Variants in CCSER1 observed in about 807,000 individuals in gnomAD.
CCSER1 encodes serine-rich coiled-coil domain-containing protein 1.
CCSER1 carries 41 observed loss-of-function variants against 82.0 expected under a neutral mutation model. The observed-to-expected ratio is 0.50, with a 90% CI of 0.39 to 0.65. CCSER1 has a LOEUF of 0.65. Ranked by LOEUF, CCSER1 falls within the 30% of genes least tolerant of loss-of-function variation. CCSER1 has a pLI of 0.00. For missense variants in CCSER1, 1,119 were observed against 1,064.2 expected (o/e 1.05, Z -0.72); for synonymous variants, 414 against 383.9 (o/e 1.08, Z -0.92).
chr4:90,249,568 A>T (rs893751414), intron 1 of CCSER1, among the ~76,000 whole-genome samples: 1 of 152,158 alleles, frequency 6.6e-6, no homozygotes, highest in African/African-American at 2.4e-5. Flanking sequence ...TATTCTGAAC[A>T]CTTCATATAA....
chr4:90,590,210 G>T (rs998905934), intron 5 of CCSER1, among the ~76,000 whole-genome samples: 2 of 152,102 alleles, frequency 1.3e-5, no homozygotes, highest in African/African-American at 4.8e-5. Flanking sequence ...GGAGAAAGAG[G>T]TTGCACTGGG....
chr4:91,352,794 A>G (rs906254184), intron 10 of CCSER1, among the ~76,000 whole-genome samples: 1 of 152,222 alleles, frequency 6.6e-6, no homozygotes, highest in African/African-American at 2.4e-5. Flanking sequence ...AGAATCTGCC[A>G]TGTGCCAAAC....
At chr4:91,574,378 C>G (rs1009154983) in intron 10 of CCSER1, among the ~76,000 whole-genome samples, 2 of 151,970 alleles carry the variant, frequency 1.3e-5, no homozygotes, top group African/African-American at 2.4e-5. Flanking sequence ...CCATTTGACC[C>G]AGCAATCCCA....
chr4:90,189,217 CCGTCAGACCAAGGATCTGTGAAATATGG>C (rs1735175067), intron 1 of CCSER1, among the ~76,000 whole-genome samples: 1 of 151,802 alleles, frequency 6.6e-6, no homozygotes, highest in African/African-American at 2.4e-5. Context: ...TCATAGAAGC[CCGTCAGACCAAGGATCTGTGAAATATGG>C]TTTTGTCAAG....
chr4:90,617,973 G>A (rs531693119), intron 5 of CCSER1, among the ~76,000 whole-genome samples: 11 of 152,136 alleles, frequency 7.2e-5, no homozygotes, highest in Admixed American at 2.0e-4. Context: ...GTGGCTGTGA[G>A]TGGGTATGTC....
rs529125818 is a variant in CCSER1 at position 91,505,044 on chromosome 4, A to G, written c.2218-93528A>G. Among the ~76,000 whole-genome samples the G allele has an allele frequency of 2.0e-5, 3 of 152,232 alleles. No individual in the cohort carries two copies. In the South Asian group the frequency reaches 6.2e-4, roughly 32 times the overall value. On this transcript the variant is annotated intron_variant, in intron 10 of 10. Transcript: ENST00000509176. ...TGCTGCACCTATCAACCCATCACCT[A>G]TGTATTAAGCCCTGCATGCATTAGC... is the stretch of plus-strand genomic sequence containing the variant.
chr4:91,163,075 A>G (rs527803206), intron 10 of CCSER1, among the ~76,000 whole-genome samples: 26 of 152,346 alleles, frequency 1.7e-4, no homozygotes, highest in Non-Finnish European at 3.1e-4. Flanking sequence ...ATTTAGTGCT[A>G]TAAATTTCCC....
intron 10 of CCSER1, among the ~76,000 whole-genome samples, chr4:91,178,742 G>A (rs1309790115): frequency 6.6e-6 from 1 of 151,986 alleles, no homozygotes; most frequent in Admixed American, 6.6e-5. Context: ...CTCACTGATG[G>A]GTCTTGACTC....
In CCSER1 at chr4:91,434,752, T is replaced by C. The variant is rs111374037; in HGVS notation, c.2218-163820T>C. 6.1e-4 allele frequency among the ~76,000 whole-genome samples: 93 copies of C among 152,306 alleles called. 2 individuals carry two copies. The highest frequency in any genetic ancestry group is 3.9e-3 in the South Asian group (19 of 4,828). Reference sequence around the variant, plus strand: ...TATTGACCTAAATCTGAACTTGCCATACATATTCCTATGATACAAATGAGC... The same window carrying C: ...TATTGACCTAAATCTGAACTTGCCACACATATTCCTATGATACAAATGAGC... On this transcript the variant is annotated intron_variant, in intron 10 of 10. Transcript: ENST00000509176.
chr4:91,565,026 T>TTGTGTGTGTGTGTGTG, intron 10 of CCSER1, among the ~76,000 whole-genome samples: 1 of 131,032 alleles, frequency 7.6e-6, no homozygotes, highest in South Asian at 3.0e-4. Flanking sequence ...GCACCTTGAG[T>TTGTGTGTGTGTGTGTG]TGTGTGTGTG....
chr4:91,570,240 G>A lies in CCSER1; in HGVS notation c.2218-28332G>A, dbSNP rs1275657091. ...TGGTTGCTTTCATGGGTTGGCATGA[G>A]TGCCTTTGGCTTTTCCAGGTACACA... On this transcript the variant is annotated intron_variant, in intron 10 of 10. Transcript: ENST00000509176. 2.6e-5 allele frequency among the ~76,000 whole-genome samples: 4 copies of A among 152,294 alleles called. No homozygotes were observed. In the East Asian group the frequency reaches 5.8e-4, roughly 22 times the overall value.
chr4:90,376,372 C>T (rs1213017437), intron 3 of CCSER1, among the ~76,000 whole-genome samples: 1 of 152,208 alleles, frequency 6.6e-6, no homozygotes, highest in Non-Finnish European at 1.5e-5. Context: ...GTCTCAGCCT[C>T]AATTAACTGG....
intron 7 of CCSER1, among the ~76,000 whole-genome samples, chr4:90,758,393 A>G (rs974178823): frequency 1.1e-4 from 17 of 152,206 alleles, no homozygotes; most frequent in Non-Finnish European, 2.1e-4. Context: ...TTTTGAATAA[A>G]AAACTTAAGA....
chr4:91,039,701 G>GTA (rs1276408827), intron 9 of CCSER1, among the ~76,000 whole-genome samples: 4 of 122,876 alleles, frequency 3.3e-5, no homozygotes, highest in Admixed American at 8.5e-5. Flanking sequence ...TCTAAAATGT[G>GTA]TATATATATG....
At chr4:91,016,508 C>T (rs1739444415) in intron 9 of CCSER1, among the ~76,000 whole-genome samples, 1 of 151,880 alleles carries the variant, frequency 6.6e-6, no homozygotes, top group Non-Finnish European at 1.5e-5. Flanking sequence ...TCACCTTTGC[C>T]ACAATTATGA....
chr4:91,338,948 C>CA (rs1476410554), intron 10 of CCSER1, among the ~76,000 whole-genome samples: 1 of 152,184 alleles, frequency 6.6e-6, no homozygotes, highest in Admixed American at 6.5e-5. Context: ...AAAGATACTG[C>CA]ATTCATTTGA....
At chr4:91,174,700 C>T (rs149608994) in intron 10 of CCSER1, among the ~76,000 whole-genome samples, 1 of 152,054 alleles carries the variant, frequency 6.6e-6, no homozygotes, top group African/African-American at 2.4e-5. Flanking sequence ...ATGTGTTATA[C>T]CATTGATAAA....
chr4:91,524,329 TAA>T (rs912196132), intron 10 of CCSER1, among the ~76,000 whole-genome samples: 1 of 152,202 alleles, frequency 6.6e-6, no homozygotes, highest in African/African-American at 2.4e-5. Context: ...ATGAATGCTG[TAA>T]GTTAGTCATA....
intron 5 of CCSER1, among the ~76,000 whole-genome samples, chr4:90,505,745 T>G (rs1446786688): frequency 6.6e-6 from 1 of 152,154 alleles, no homozygotes; most frequent in Non-Finnish European, 1.5e-5. Context: ...TTTAGTATGA[T>G]AGTATATTAT....
Sources: allele counts gnomAD v4.1 joint callset (sites outside exome capture counted in the v4.1 genomes callset), GRCh38; gene constraint gnomAD v4.1.1; transcripts MANE v1.5; gene names NCBI Gene and HGNC (gene_info 2026-07-23, HGNC 2026-07-21).